Variants in TANC2 observed in about 807,000 individuals in gnomAD.
TANC2 encodes the protein protein TANC2.
In TANC2, 26 loss-of-function variants were observed where a neutral mutation model predicts 210.5. The ratio of observed to expected loss-of-function variants is 0.12; its 90% CI spans 0.09 to 0.17. TANC2 has a LOEUF of 0.17. Among genes scored for constraint, TANC2 ranks in the 10% least tolerant of loss-of-function variants. TANC2 has a pLI of 1.00. For synonymous variants in TANC2, 931 were observed against 967.1 expected (o/e 0.96, Z 0.69); for missense variants, 2,129 against 2,608.9 (o/e 0.82, Z 4.01).
rs201935122 is a variant in TANC2, at chr17:63,383,523, C to CT, written c.2691+3703dup. ...ATATGCATTTAAGATTTCTACATGT[C>CT]TTTTTTGGCTTGATAGTTCATTTCT... On this transcript the variant is annotated intron_variant, in intron 15 of 27. Transcript: ENST00000689528. Among the ~76,000 whole-genome samples, 1,201 of 152,194 alleles carry CT rather than the reference C, an allele frequency of 7.9e-3. 11 individuals carry two copies. Among genetic ancestry groups the CT allele is most frequent in the African/African-American group, 0.028 (1,150 of 41,536 alleles).
intron 7 of TANC2, among the ~76,000 whole-genome samples, chr17:63,228,103 T>A (rs1008901414): frequency 1.3e-5 from 2 of 152,098 alleles, no homozygotes; most frequent in African/African-American, 4.8e-5. Context: ...CCTCAAGTGA[T>A]CCTCCTGCCT....
chr17:63,152,587 G>A (rs2039690889), intron 5 of TANC2: 1 of 152,100 alleles, frequency 6.6e-6, no homozygotes, highest in African/African-American at 2.4e-5. Context: ...TTCTTTAAAT[G>A]GTACTATAGC....
At chr17:62,982,660 C>T (rs143556817) in intron 1 of TANC2, among the ~76,000 whole-genome samples, 270 of 152,290 alleles carry the variant, frequency 1.8e-3, no homozygotes, top group Non-Finnish European at 2.9e-3. Flanking sequence ...ATCCTTTAAT[C>T]CCACTAGGAC....
chr17:63,419,866 A>G (rs1168960158), intron 27 of TANC2, 133 bp from the exon 28 acceptor site: 5 of 1,076,326 alleles, frequency 4.6e-6, no homozygotes, highest in South Asian at 3.4e-5. Flanking sequence ...TATAAATCCA[A>G]CTAAACCGAA....
In TANC2 at chr17:63,197,832, CT is replaced by C. The variant is rs1362894557; in HGVS notation, c.583-2938del. 3.9e-5 allele frequency: 6 copies of C among 152,142 alleles called. No individual in the cohort carries two copies. The East Asian group carries it at 1.2e-3, about 29-fold the overall frequency. 9.4% of individuals were successfully genotyped at this position (152,142 alleles called of 1,614,324 possible). A position where few individuals can be genotyped will look rare whatever the true frequency, so the allele number is the denominator to read the frequency against. On this transcript the variant is annotated intron_variant, in intron 6 of 27. Transcript: ENST00000689528. Reference sequence around the variant, plus strand: ...GGCTTAAATAGACGTCCATTTTAGCCTACAGCATGAAGAATAAATAGTTGTC... The same window carrying C: ...GGCTTAAATAGACGTCCATTTTAGCCACAGCATGAAGAATAAATAGTTGTC...
At chr17:63,048,668 A>T (rs896735594) in intron 2 of TANC2, among the ~76,000 whole-genome samples, 18 of 152,146 alleles carry the variant, frequency 1.2e-4, no homozygotes. Context: ...GCTGGAGGCC[A>T]TTATCCTCAG....
At chr17:63,025,099 C>T (rs1423277864) in intron 2 of TANC2, among the ~76,000 whole-genome samples, 2 of 152,114 alleles carry the variant, frequency 1.3e-5, no homozygotes, top group African/African-American at 4.8e-5. Flanking sequence ...TTTGAAAAAT[C>T]ACCCTATTAG....
At chr17:63,196,795 T>C (rs930401980) in intron 6 of TANC2, among the ~76,000 whole-genome samples, 1 of 152,210 alleles carries the variant, frequency 6.6e-6, no homozygotes. Flanking sequence ...GTACCAATTA[T>C]TGTACTAATT....
chr17:63,018,205 G>A (rs982263548), intron 2 of TANC2, among the ~76,000 whole-genome samples: 143 of 151,800 alleles, frequency 9.4e-4, no homozygotes, highest in African/African-American at 3.4e-3. Flanking sequence ...CAGTTGTAAG[G>A]AATAGCCAGG....
intron 5 of TANC2, chr17:63,152,612 ATCTT>A (rs1457020232): frequency 1.3e-5 from 2 of 152,160 alleles, no homozygotes; most frequent in Non-Finnish European, 2.9e-5. Flanking sequence ...GATTAGAAGA[ATCTT>A]TCATGTTTTG....
At chr17:63,237,917 A>C in exon 8 of TANC2, 1 of 1,582,392 alleles carries the variant, frequency 6.3e-7, no homozygotes, top group Non-Finnish European at 8.6e-7. Context: ...GGCAGTCTCA[A>C]AAATCCAGCA....
In TANC2 at chr17:63,318,848, A is replaced by G. The variant is rs2045400005; in HGVS notation, c.1442-109A>G. On this transcript the variant is annotated intron_variant, in intron 10 of 27. Transcript: ENST00000689528. ...ACATGTGTTTTTATTTCTCTTAAGT[A>G]TATACTTAGGAGCAGAATTGTTAGA... The G allele has an allele frequency of 2.0e-5, 25 of 1,274,340 alleles. No individual in the cohort carries two copies. The South Asian group carries it at 3.1e-4, about 16-fold the overall frequency. 78.9% of individuals were successfully genotyped at this position (1,274,340 alleles called of 1,614,324 possible).
At chr17:63,257,942 A>G (rs1489396145) in intron 8 of TANC2, among the ~76,000 whole-genome samples, 3 of 152,218 alleles carry the variant, frequency 2.0e-5, no homozygotes, top group African/African-American at 4.8e-5. Flanking sequence ...CTATACTGTT[A>G]CAGTGAGTTT....
chr17:62,986,601 G>A (rs1455549055), intron 1 of TANC2, among the ~76,000 whole-genome samples: 1 of 152,002 alleles, frequency 6.6e-6, no homozygotes, highest in Non-Finnish European at 1.5e-5. Flanking sequence ...GGGGTGACCT[G>A]TGAGGCTGTT....
intron 4 of TANC2, among the ~76,000 whole-genome samples, chr17:63,123,136 A>G (rs2038549614): frequency 1.3e-5 from 2 of 152,232 alleles, no homozygotes; most frequent in African/African-American, 2.4e-5. Flanking sequence ...AATATGAAAG[A>G]TCTGCCAAAG....
At chr17:63,051,492 CTGTA>C (rs1173678698) in intron 2 of TANC2, among the ~76,000 whole-genome samples, 1 of 152,130 alleles carries the variant, frequency 6.6e-6, no homozygotes, top group African/African-American at 2.4e-5. Flanking sequence ...TCTGTTGAAA[CTGTA>C]TGTTGAGGGG....
chr17:63,122,097 T>G (rs2038508029), intron 4 of TANC2, among the ~76,000 whole-genome samples: 1 of 151,978 alleles, frequency 6.6e-6, no homozygotes, highest in Admixed American at 6.5e-5. Flanking sequence ...TTCAAAAAAG[T>G]GAATAGTGGT....
chr17:63,390,916 T>C (rs1483263219), intron 17 of TANC2: 1 of 152,218 alleles, frequency 6.6e-6, no homozygotes, highest in Non-Finnish European at 1.5e-5. Flanking sequence ...CAAGATCCTA[T>C]CACGCCTCTT....
At chr17:63,417,505 C>G (rs561049972) in intron 26 of TANC2, among the ~76,000 whole-genome samples, 27 of 152,164 alleles carry the variant, frequency 1.8e-4, no homozygotes, top group East Asian at 1.7e-3. Flanking sequence ...GAGCACAGAC[C>G]TCAGTCACAG....
Sources: allele counts gnomAD v4.1 joint callset (sites outside exome capture counted in the v4.1 genomes callset), GRCh38; gene constraint gnomAD v4.1.1; transcripts MANE v1.5; gene names NCBI Gene and HGNC (gene_info 2026-07-23, HGNC 2026-07-21).